The following BCR variants were observed in gnomAD, a reference collection of about 807,000 sequenced individuals.
BCR encodes BCR activator of RhoGEF and GTPase.
BCR carries 58 observed loss-of-function variants against 138.6 expected under a neutral mutation model. The observed-to-expected ratio is 0.42, with a 90% CI of 0.34 to 0.52. The LOEUF is 0.52. Ranked by LOEUF, BCR falls within the 20% of genes least tolerant of loss-of-function variation. BCR has a pLI of 0.06. For missense variants in BCR, 1,599 were observed against 1,727.2 expected, an observed-to-expected ratio of 0.93 and a Z score of 1.32; for synonymous variants, 786 against 730.1, an observed-to-expected ratio of 1.08 and a Z score of -1.23.
chr22:23,282,994 T>C (rs2073665923), intron 8 of BCR, among the ~76,000 whole-genome samples: 2 of 152,222 alleles, frequency 1.3e-5, no homozygotes, highest in Admixed American at 1.3e-4. Context: ...AGGACCTGCC[T>C]ACAGCCTGTT....
chr22:23,238,631 C>G (rs1210291212), intron 1 of BCR, among the ~76,000 whole-genome samples: 1 of 152,132 alleles, frequency 6.6e-6, no homozygotes, highest in African/African-American at 2.4e-5. Context: ...ACTTCTGGCC[C>G]GTACCTGTTG....
At chr22:23,187,498 TC>T (rs775425767) in intron 1 of BCR, among the ~76,000 whole-genome samples, 6 of 143,248 alleles carry the variant, frequency 4.2e-5, no homozygotes, top group African/African-American at 1.7e-4. Flanking sequence ...TCTCTCTCTC[TC>T]TTTTTTTTTT....
chr22:23,268,302 C>G, intron 4 of BCR, 106 bp from the exon 5 acceptor site: 1 of 880,498 alleles, frequency 1.1e-6, no homozygotes, highest in Non-Finnish European at 1.7e-6. Flanking sequence ...TGTGTGCCGT[C>G]TGCTGTCCCT....
intron 1 of BCR, among the ~76,000 whole-genome samples, chr22:23,243,715 C>T: frequency 6.7e-6 from 1 of 149,924 alleles, no homozygotes; most frequent in Non-Finnish European, 1.5e-5. Context: ...GTGGCGAGAT[C>T]TCGGCTCACT....
intron 1 of BCR, among the ~76,000 whole-genome samples, chr22:23,196,471 G>A (rs1428935434): frequency 6.6e-6 from 1 of 152,172 alleles, no homozygotes; most frequent in East Asian, 1.9e-4. Flanking sequence ...TTCCAGGCAG[G>A]GAATGTGGGC....
intron 1 of BCR, among the ~76,000 whole-genome samples, chr22:23,213,976 A>T (rs1330184630): frequency 1.3e-5 from 2 of 152,184 alleles, no homozygotes; most frequent in African/African-American, 4.8e-5. Flanking sequence ...AAAATACAGT[A>T]AGTTTCCTCA....
At chr22:23,302,004 T>C (rs2073907071) in intron 16 of BCR, among the ~76,000 whole-genome samples, 1 of 152,196 alleles carries the variant, frequency 6.6e-6, no homozygotes, top group Non-Finnish European at 1.5e-5. Context: ...GTCCCTGCTG[T>C]ACTGTGTATC....
chr22:23,227,798 C>G (rs1296061466), intron 1 of BCR, among the ~76,000 whole-genome samples: 3 of 152,192 alleles, frequency 2.0e-5, no homozygotes, highest in African/African-American at 7.2e-5. Flanking sequence ...CCTAAGAAAT[C>G]TTCTAGAAGC....
chr22:23,264,045 T>A (rs2073405756), intron 4 of BCR: 1 of 1,011,776 alleles, frequency 9.9e-7, no homozygotes. Flanking sequence ...CGCACTGCTC[T>A]CCTGTGGCTA....
At chr22:23,197,107 T>C (rs1742906053) in intron 1 of BCR, among the ~76,000 whole-genome samples, 1 of 152,272 alleles carries the variant, frequency 6.6e-6, no homozygotes, top group African/African-American at 2.4e-5. Context: ...TTGATGGTGG[T>C]CCCATAAGAT....
chr22:23,197,106 G>T (rs2072493880), intron 1 of BCR, among the ~76,000 whole-genome samples: 1 of 152,148 alleles, frequency 6.6e-6, no homozygotes, highest in African/African-American at 2.4e-5. Flanking sequence ...ATTGATGGTG[G>T]TCCCATAAGA....
chr22:23,222,878 C>T (rs942938843), intron 1 of BCR, among the ~76,000 whole-genome samples: 5 of 152,152 alleles, frequency 3.3e-5, no homozygotes, highest in African/African-American at 9.7e-5. Context: ...AAATGCCAGG[C>T]TGGGCTGTTT....
chr22:23,295,299 G>A, intron 16 of BCR, 144 bp downstream of exon 16: 1 of 1,082,000 alleles, frequency 9.2e-7, no homozygotes, highest in Non-Finnish European at 1.3e-6. Context: ...CATCGTGGGA[G>A]ACCTGAGCCG....
At chr22:23,197,162 T>G (rs943580246) in intron 1 of BCR, among the ~76,000 whole-genome samples, 54 of 152,352 alleles carry the variant, frequency 3.5e-4, no homozygotes, top group African/African-American at 1.2e-3. Context: ...TTTGGTATGT[T>G]TAGAAACAGA....
At chr22:23,272,560 T>A (rs797019557) in intron 6 of BCR, among the ~76,000 whole-genome samples, 58 of 152,232 alleles carry the variant, frequency 3.8e-4, no homozygotes, top group African/African-American at 1.3e-3. Context: ...CTCATGTGCC[T>A]CTGGAGTCCG....
intron 5 of BCR, 137 bp downstream of exon 5, chr22:23,268,652 G>C (rs2073473790): frequency 2.5e-6 from 2 of 812,992 alleles, no homozygotes; most frequent in Non-Finnish European, 4.0e-6. Flanking sequence ...TGGGTTCGTT[G>C]CGTCAGCCCT....
intron 22 of BCR, 63 bp downstream of exon 22, chr22:23,314,777 C>T (rs2074049741): frequency 2.5e-6 from 4 of 1,583,508 alleles, no homozygotes; most frequent in East Asian, 2.3e-5. Flanking sequence ...TCTGCCTGCC[C>T]CACCCCCAGT....
intron 1 of BCR, among the ~76,000 whole-genome samples, chr22:23,223,741 A>G (rs189524917): frequency 5.1e-4 from 77 of 152,226 alleles, no homozygotes; most frequent in South Asian, 1.2e-3. Flanking sequence ...GCGAGATTTC[A>G]GGTTTTGTTT....
intron 12 of BCR, 90 bp from the exon 13 acceptor site, chr22:23,289,427 C>T: frequency 8.8e-7 from 1 of 1,130,022 alleles, no homozygotes. Flanking sequence ...GTGCCCCTTC[C>T]CCAGGGTGTG....
Sources: gnomAD v4.1 joint callset for allele counts (sites outside exome capture counted in the v4.1 genomes callset) on GRCh38, gnomAD v4.1.1 for gene constraint, MANE v1.5 for transcripts, NCBI Gene and HGNC (gene_info 2026-07-23, HGNC 2026-07-21) for gene names.